Variants in PGM1 observed in about 807,000 individuals in gnomAD.
PGM1 encodes the protein phosphoglucomutase-1.
PGM1 carries 52 observed loss-of-function variants against 55.6 expected under a neutral mutation model. That is an observed-to-expected ratio of 0.94 (90% CI 0.75 to 1.18). PGM1 has a LOEUF of 1.18. Among genes scored for constraint, PGM1 ranks in the 50% most tolerant of loss-of-function variants. The pLI, the probability that PGM1 is intolerant of heterozygous loss-of-function variation, is 0.00. For missense variants in PGM1, 724 were observed against 729.3 expected (o/e 0.99, Z 0.08); for synonymous variants, 287 against 271.7 (o/e 1.06, Z -0.55).
intron 2 of PGM1, 39 bp downstream of exon 2, chr1:63,629,626 TTCAGTAG>T: frequency 6.3e-7 from 1 of 1,590,374 alleles, no homozygotes; most frequent in Non-Finnish European, 8.6e-7. Context: ...TAAGTTTACA[TTCAGTAG>T]GACAAATCAA....
chr1:63,594,936 C>G (rs1285764540), intron 1 of PGM1, among the ~76,000 whole-genome samples: 3 of 128,596 alleles, frequency 2.3e-5, no homozygotes, highest in Admixed American at 9.6e-5. Flanking sequence ...ACTCTAGCCT[C>G]GGCGACAGAG....
intron 1 of PGM1, among the ~76,000 whole-genome samples, chr1:63,618,833 G>A (rs12132627): frequency 0.11 from 16,589 of 152,086 alleles, 1,225 homozygotes; most frequent in Non-Finnish European, 0.15. Context: ...TCTCAGGTCT[G>A]ATGAATCTGC....
At chr1:63,600,701 A>G (rs1648218235) in intron 1 of PGM1, among the ~76,000 whole-genome samples, 1 of 152,254 alleles carries the variant, frequency 6.6e-6, no homozygotes, top group Non-Finnish European at 1.5e-5. Flanking sequence ...GGAGTGAGCC[A>G]TGCAGATATC....
intron 10 of PGM1, among the ~76,000 whole-genome samples, chr1:63,655,128 T>G (rs1357751208): frequency 6.6e-6 from 1 of 151,296 alleles, no homozygotes; most frequent in Non-Finnish European, 1.5e-5. Context: ...GCCACCATGC[T>G]CTGCTCATTT....
At chr1:63,627,228 C>T (rs1191134775) in intron 1 of PGM1, among the ~76,000 whole-genome samples, 1 of 152,092 alleles carries the variant, frequency 6.6e-6, no homozygotes, top group East Asian at 1.9e-4. Flanking sequence ...CTGTCTGCGT[C>T]CTGCTTTCAA....
chr1:63,599,117 T>G (rs1037773026), intron 1 of PGM1, among the ~76,000 whole-genome samples: 2 of 152,134 alleles, frequency 1.3e-5, no homozygotes, highest in African/African-American at 4.8e-5. Flanking sequence ...ACTTTAACTT[T>G]AAACCTTATA....
chr1:63,614,852 A>G (rs990905199), intron 1 of PGM1, among the ~76,000 whole-genome samples: 1 of 152,218 alleles, frequency 6.6e-6, no homozygotes, highest in Non-Finnish European at 1.5e-5. Flanking sequence ...CTTGTAATGC[A>G]TTTGAAACAT....
rs376259690 is a variant in PGM1 at position 63,629,946 on chromosome 1, T to G, written c.414T>G (p.Pro138=). 4.3e-5 allele frequency: 70 copies of G among 1,613,966 alleles called. No homozygotes were observed. The highest frequency in any genetic ancestry group is 5.8e-5 in the Non-Finnish European group (69 of 1,179,948). ...TGTTTGCTGTTTGGTTTCCAGGTCC[T>G]GCTCCAGAAGCAATAACTGATAAAA... The part of the protein sequence containing the change: ...GIKFNISNGG[P]APEAITDKIF... Residue 138 remains proline (P), a synonymous_variant, in exon 3 of 11, where the codon CCT becomes CCG. Transcript: ENST00000371084.
chr1:63,594,281 T>G (rs1570464841), intron 1 of PGM1: 1 of 183,884 alleles, frequency 5.4e-6, no homozygotes, highest in Non-Finnish European at 7.9e-6. Flanking sequence ...CCCATCCCCC[T>G]GGGGCGTCAG....
chr1:63,593,796 G>C (rs1421087685), intron 1 of PGM1, 62 bp downstream of exon 1: 6 of 1,486,098 alleles, frequency 4.0e-6, no homozygotes, highest in Admixed American at 4.5e-5. Context: ...TGCGGCCCGC[G>C]GCGCCCTCCC....
intron 4 of PGM1, 129 bp downstream of exon 4, chr1:63,631,911 CAACCAG>C: frequency 1.1e-6 from 1 of 885,282 alleles, no homozygotes. Context: ...AGTTATTTTG[CAACCAG>C]AGCAATATTC....
Position 63,636,323 on chromosome 1 carries a change from G to A in PGM1, c.963G>A (p.Pro321=), listed in dbSNP as rs373693932. The part of the protein sequence containing the change: ...AVIAANIFSI[P]YFQQTGVRGF... ...TTGCTGCCAACATCTTCAGCATTCC[G>A]TATTTCCAGCAGACTGGGGTCCGCG... The change falls in exon 6 of 11, where the codon CCG becomes CCA. Residue 321 remains proline, a synonymous_variant. Transcript: ENST00000371084. 3.1e-5 allele frequency: 50 copies of A among 1,613,976 alleles called. No homozygotes were observed. Among genetic ancestry groups the A allele is most frequent in the South Asian group, 1.2e-4 (11 of 91,086 alleles).
chr1:63,648,225 T>C (rs933400484), intron 7 of PGM1, among the ~76,000 whole-genome samples: 1 of 152,156 alleles, frequency 6.6e-6, no homozygotes, highest in Non-Finnish European at 1.5e-5. Context: ...AAATGTACAA[T>C]CATGGCAGAA....
At chr1:63,650,189 C>T (rs541424420) in intron 8 of PGM1, among the ~76,000 whole-genome samples, 2 of 152,270 alleles carry the variant, frequency 1.3e-5, no homozygotes, top group South Asian at 2.1e-4. Flanking sequence ...TGAACAAAAG[C>T]GCTAGGCACT....
At chr1:63,640,729 T>C (rs2100992434) in intron 7 of PGM1, among the ~76,000 whole-genome samples, 1 of 152,282 alleles carries the variant, frequency 6.6e-6, no homozygotes, top group Admixed American at 6.5e-5. Flanking sequence ...GGCCTTCAAA[T>C]ACAAGAAGCA....
At chr1:63,629,358 G>A (rs1241189005) in intron 1 of PGM1, 67 bp from the exon 2 acceptor site, 1 of 1,339,766 alleles carries the variant, frequency 7.5e-7, no homozygotes, top group African/African-American at 1.4e-5. Flanking sequence ...TTGTCTTGGT[G>A]TTGTTTCTGA....
At chr1:63,638,624 C>T in intron 6 of PGM1, 61 bp from the exon 7 acceptor site, 3 of 1,060,122 alleles carry the variant, frequency 2.8e-6, no homozygotes, top group Non-Finnish European at 4.5e-6. Flanking sequence ...CCTTTTCCGT[C>T]CCTCACATGG....
At chr1:63,651,904 T>G in intron 9 of PGM1, 52 bp downstream of exon 9, 6 of 1,506,880 alleles carry the variant, frequency 4.0e-6, no homozygotes, top group African/African-American at 1.4e-5. Flanking sequence ...GCTTCATCTC[T>G]GACATCTCAA....
At chr1:63,596,567 G>A (rs1157175551) in intron 1 of PGM1, among the ~76,000 whole-genome samples, 2 of 151,884 alleles carry the variant, frequency 1.3e-5, no homozygotes, top group East Asian at 1.9e-4. Flanking sequence ...TATTCCCTAG[G>A]TTTCTACGCT....
Sources: gnomAD v4.1 joint callset for allele counts (sites outside exome capture counted in the v4.1 genomes callset) on GRCh38, gnomAD v4.1.1 for gene constraint, MANE v1.5 for transcripts, NCBI Gene and HGNC (gene_info 2026-07-23, HGNC 2026-07-21) for gene names.